ECEL1: variants seen among roughly 807,000 people sequenced by gnomAD.
ECEL1 encodes the protein endothelin-converting enzyme-like 1.
Under a neutral mutation model 101.8 loss-of-function variants are expected in ECEL1, and 87 were observed. That is an observed-to-expected ratio of 0.85 (90% CI 0.72 to 1.02). The LOEUF is 1.02. Among genes scored for constraint, ECEL1 ranks in the 50% least tolerant of loss-of-function variants. The probability of loss-of-function intolerance (pLI) is 0.00; values close to 1 mark genes in which losing one functional copy is unlikely to be tolerated. For synonymous variants in ECEL1, 487 were observed against 468.7 expected, an observed-to-expected ratio of 1.04 and a Z score of -0.50; for missense variants, 1,032 against 1,079.2, an observed-to-expected ratio of 0.96 and a Z score of 0.61.
chr2:232,480,859 G>A (rs1690560142), intron 15 of ECEL1, 46 bp from the exon 16 acceptor site: 2 of 1,558,534 alleles, frequency 1.3e-6, no homozygotes, highest in Non-Finnish European at 1.7e-6. Flanking sequence ...CCCACCCTGG[G>A]CACCGCTTCT....
At chr2:232,481,890 C>T in intron 12 of ECEL1, 41 bp from the exon 13 acceptor site, 3 of 1,611,514 alleles carry the variant, frequency 1.9e-6, no homozygotes, top group Non-Finnish European at 2.5e-6. Context: ...GCCCTCCACC[C>T]TCTGAGAGCC....
At chr2:232,485,126 G>A (rs763828660) in intron 3 of ECEL1, 35 bp from the exon 4 acceptor site, 5 of 1,611,550 alleles carry the variant, frequency 3.1e-6, no homozygotes, top group Non-Finnish European at 4.2e-6. Flanking sequence ...CAGGGACAGG[G>A]ACAGGCCTAG....
intron 6 of ECEL1, 75 bp downstream of exon 6, chr2:232,484,391 GCCCACC>G: frequency 6.3e-7 from 1 of 1,585,370 alleles, no homozygotes; most frequent in Non-Finnish European, 8.6e-7. Flanking sequence ...AAAATGTAAA[GCCCACC>G]CAGCAGAGAG....
Position 232,485,110 on chromosome 2 carries a change from C to T in ECEL1, c.856-19G>A, listed in dbSNP as rs1575077996. The T allele has an allele frequency of 6.2e-7, 1 of 1,611,318 alleles. No homozygotes were observed. Among genetic ancestry groups the T allele is most frequent in the Non-Finnish European group, 8.5e-7 (1 of 1,179,946 alleles). ...CCAGGATCTGCACCAGGGGAGGGGG[C>T]TCACCCAGGGACAGGGACAGGCCTA... On this transcript the variant is annotated intron_variant, in intron 3 of 17. Transcript: ENST00000304546.
Position 232,480,110 on chromosome 2 carries a change from A to T in ECEL1, c.*43T>A. ...CTGCCCCGGTAGCCAGCAGGAGGTGATTCGTGCGGGGGCAGTGGGGGCGTG... is the reference window on the plus strand; with the variant it reads ...CTGCCCCGGTAGCCAGCAGGAGGTGTTTCGTGCGGGGGCAGTGGGGGCGTG... On this transcript the variant is annotated 3_prime_UTR_variant, in exon 18 of 18. Transcript: ENST00000304546. 1 of 1,591,152 alleles carries T rather than the reference A, an allele frequency of 6.3e-7. No individual in the cohort carries two copies. The highest frequency in any genetic ancestry group is 8.6e-7 in the Non-Finnish European group (1 of 1,162,802).
At position 232,485,013 on chromosome 2, in the gene ECEL1, C is replaced by T; in HGVS notation, c.934G>A (p.Glu312Lys). 5.6e-6 allele frequency: 9 copies of T among 1,613,118 alleles called. No homozygotes were observed. Among genetic ancestry groups the T allele is most frequent in the South Asian group, 1.1e-5 (1 of 91,088 alleles). ...GADAVEQKAQ[E>K]ILQVEQQLAN... ...AGCTGCTGCTCCACTTGCAGGATCT[C>T]TTGGGCCTTCTGTTCCACAGCGTCT... is the stretch of plus-strand genomic sequence containing the variant. The change falls in exon 4 of 18, where the codon GAG becomes AAG. Residue 312 changes from glutamate to lysine, a missense_variant. Glu to Lys is a moderately conservative substitution (Grantham distance 56). Transcript: ENST00000304546.
chr2:232,484,873 G>T lies in ECEL1; in HGVS notation c.987C>A (p.Asp329Glu), dbSNP rs141823461. The change falls in exon 5 of 18, where the codon GAC becomes GAA. Residue 329 changes from aspartate to glutamate, a missense_variant. Transcript: ENST00000304546. ...QLANITVSEH[D>E]DLRRDVSSMY... Reference sequence around the variant, plus strand: ...TGGAGCTGACATCTCGCCGTAGGTCGTCATGCTCTGACACAGTGATCTGTG... The same window carrying T: ...TGGAGCTGACATCTCGCCGTAGGTCTTCATGCTCTGACACAGTGATCTGTG... The T allele has an allele frequency of 1.1e-4, 179 of 1,613,784 alleles. No homozygotes were observed. In the African/African-American group the frequency reaches 2.0e-3, roughly 18 times the overall value.
intron 15 of ECEL1, 39 bp downstream of exon 15, chr2:232,481,052 C>G: frequency 6.5e-7 from 1 of 1,549,836 alleles, no homozygotes; most frequent in East Asian, 2.4e-5. Context: ...AGCCCCCGTC[C>G]CTCCTGCAGC....
At chr2:232,481,930 C>G in intron 12 of ECEL1, 81 bp from the exon 13 acceptor site, 1 of 1,584,916 alleles carries the variant, frequency 6.3e-7, no homozygotes, top group South Asian at 1.1e-5. Context: ...CCAGATGTCC[C>G]CTGGCCGGGC....
intron 5 of ECEL1, 24 bp downstream of exon 5, chr2:232,484,777 C>T (rs1185334204): frequency 1.2e-6 from 2 of 1,613,518 alleles, no homozygotes; most frequent in East Asian, 2.2e-5. Flanking sequence ...CCCTGCCTGC[C>T]CACGAGGACT....
At position 232,486,083 on chromosome 2, in the gene ECEL1, G is replaced by A; in HGVS notation, c.571C>T (p.Arg191Cys). Residue 191 changes from arginine to cysteine, a missense_variant, in exon 2 of 18, where the codon CGC becomes TGC. Transcript: ENST00000304546. ...CGCGGGCCCAGTCGCTCGATCTCGC[G>A]CATGTCGAGGCACGAGCGGAAGAAG... ...RAFFRSCLDM[R>C]EIERLGPRPM... 1.3e-6 allele frequency: 2 copies of A among 1,599,512 alleles called. No individual in the cohort carries two copies. Among genetic ancestry groups the A allele is most frequent in the South Asian group, 1.1e-5 (1 of 89,364 alleles).
At position 232,482,536 on chromosome 2, in the gene ECEL1, A is replaced by G; in HGVS notation, c.1744+14T>C. On this transcript the variant is annotated intron_variant, in intron 11 of 17. Transcript: ENST00000304546. ...GGACCCTGCCCCGCCCGGCGTAGGG[A>G]CACATCCCCTTACCCATCTGGTTCT... 6.2e-7 allele frequency: 1 copy of G among 1,613,964 alleles called. No individual in the cohort carries two copies. The highest frequency in any genetic ancestry group is 8.5e-7 in the Non-Finnish European group (1 of 1,180,020).
Position 232,486,697 on chromosome 2 carries a change from C to T in ECEL1, c.-44G>A, listed in dbSNP as rs1690740296. On this transcript the variant is annotated 5_prime_UTR_variant, in exon 2 of 18. Transcript: ENST00000304546. The stretch of plus-strand genomic sequence containing the variant: ...GTGCAGACCTGGGCCACCTGGGCTA[C>T]GGGATGCGCGTGGCCGCCGGCCTCC... The T allele has an allele frequency of 6.3e-6, 9 of 1,430,364 alleles. No homozygotes were observed. Among genetic ancestry groups the T allele is most frequent in the South Asian group, 1.4e-5 (1 of 68,972 alleles). 88.6% of individuals were successfully genotyped at this position (1,430,364 alleles called of 1,614,324 possible). A position where few individuals can be genotyped will look rare whatever the true frequency, so the allele number is the denominator to read the frequency against.
intron 12 of ECEL1, 70 bp downstream of exon 12, chr2:232,482,348 A>T: frequency 6.2e-7 from 1 of 1,606,746 alleles, no homozygotes; most frequent in Non-Finnish European, 8.5e-7. Context: ...ACGCCGACAC[A>T]CACCTGGTAG....
At chr2:232,485,726 G>A in intron 2 of ECEL1, 142 bp downstream of exon 2, 1 of 1,130,092 alleles carries the variant, frequency 8.8e-7, no homozygotes, top group Non-Finnish European at 1.2e-6. Flanking sequence ...GCCTCTGTGC[G>A]CTCCCCTCCC....
At chr2:232,487,042 G>A (rs1690747342) in intron 1 of ECEL1, among the ~76,000 whole-genome samples, 1 of 152,212 alleles carries the variant, frequency 6.6e-6, no homozygotes. Context: ...GGCCTTCATT[G>A]AAAGGTCGTC....
In ECEL1 at chr2:232,486,061, G is replaced by C. The variant is rs776965084; in HGVS notation, c.593C>G (p.Pro198Arg). The C allele has an allele frequency of 5.6e-6, 9 of 1,606,332 alleles. No homozygotes were observed. Among genetic ancestry groups the C allele is most frequent in the Non-Finnish European group, 6.8e-6 (8 of 1,177,516 alleles). ...LDMREIERLG[P>R]RPMLEVIEDC... is the part of the protein sequence containing the mutation. The stretch of plus-strand genomic sequence containing the variant: ...CTCGATGACCTCTAGCATGGGTCGC[G>C]GGCCCAGTCGCTCGATCTCGCGCAT... Residue 198 changes from proline (P) to arginine (R), a missense_variant, in exon 2 of 18, where the codon CCG becomes CGG. By Grantham distance (103) the Pro-to-Arg change is moderately radical. Coordinates refer to ENST00000304546, the MANE Select transcript of ECEL1 (RefSeq NM_004826.4).
intron 10 of ECEL1, 89 bp from the exon 11 acceptor site, chr2:232,482,697 C>G: frequency 3.9e-6 from 6 of 1,533,090 alleles, no homozygotes; most frequent in Non-Finnish European, 5.3e-6. Flanking sequence ...CATCTCCTGA[C>G]AGTCTGGGGG....
chr2:232,480,337 T>C, intron 17 of ECEL1, 62 bp downstream of exon 17: 2 of 1,612,124 alleles, frequency 1.2e-6, no homozygotes, highest in Non-Finnish European at 1.7e-6. Context: ...TTCCTTCCCA[T>C]GCCCCCTGAT....
Sources: allele counts gnomAD v4.1 joint callset (sites outside exome capture counted in the v4.1 genomes callset), GRCh38; gene constraint gnomAD v4.1.1; transcripts MANE v1.5; gene names NCBI Gene and HGNC (gene_info 2026-07-23, HGNC 2026-07-21).